The following HEPH variants were observed in gnomAD, a reference collection of about 807,000 sequenced individuals.
HEPH encodes hephaestin.
In HEPH, 69 loss-of-function variants were observed where a neutral mutation model predicts 80.8. The observed-to-expected ratio is 0.85, with a 90% confidence interval of 0.70 to 1.04. The LOEUF (loss-of-function observed/expected upper bound fraction) is 1.04, where lower values mean the gene tolerates loss of function less well. HEPH is among the 50% of genes least tolerant of loss of function. The probability of loss-of-function intolerance (pLI) is 0.00; values close to 1 mark genes in which losing one functional copy is unlikely to be tolerated. For synonymous variants in HEPH, 431 were observed against 322.8 expected (o/e 1.34, Z -3.60); for missense variants, 1,115 against 891.3 (o/e 1.25, Z -3.20).
At position 66,190,080 on chromosome X, in the gene HEPH, A is replaced by T. The variant is rs1011323508; in HGVS notation, c.1063+142A>T. 8.3e-6 allele frequency: 5 copies of T among 603,619 alleles called. No individual in the cohort carries two copies. The African/African-American group carries it at 1.2e-4, about 14-fold the overall frequency. 49.7% of individuals were successfully genotyped at this position (603,619 alleles called of 1,213,427 possible). Reference sequence around the variant, plus strand: ...ATAAAGGATAGCACACTAGATTAGAAGTCAGGGGACCCAGGTTTTTTCCTG... The same window carrying T: ...ATAAAGGATAGCACACTAGATTAGATGTCAGGGGACCCAGGTTTTTTCCTG... On this transcript the variant is annotated intron_variant, in intron 6 of 20. Transcript: ENST00000343002.
chrX:66,213,180 C>G (rs974286520), intron 15 of HEPH, among the ~76,000 whole-genome samples: 5 of 109,056 alleles, frequency 4.6e-5, no homozygotes, highest in Non-Finnish European at 9.5e-5. Flanking sequence ...GCTATCCCTC[C>G]CCCCTTCCCC....
chrX:66,164,504 C>G, intron 1 of HEPH, 34 bp downstream of exon 1: 1 of 747,521 alleles, frequency 1.3e-6, no homozygotes, highest in South Asian at 6.8e-5. Context: ...CAAACTCTAC[C>G]TCACCTGCCT....
chrX:66,199,401 T>C (rs926945571), intron 11 of HEPH, among the ~76,000 whole-genome samples: 2 of 109,587 alleles, frequency 1.8e-5, no homozygotes, highest in African/African-American at 6.6e-5. Flanking sequence ...CTATTTTTCT[T>C]TGTGAACATG....
chrX:66,205,393 A>G (rs1471428677), intron 13 of HEPH, among the ~76,000 whole-genome samples: 1 of 111,484 alleles, frequency 9.0e-6, no homozygotes, highest in African/African-American at 3.3e-5. Context: ...AATGGCCTCC[A>G]GGTACATCCA....
chrX:66,196,153 T>C (rs1353079574), intron 9 of HEPH, among the ~76,000 whole-genome samples: 2 of 111,221 alleles, frequency 1.8e-5, no homozygotes, highest in East Asian at 2.8e-4. Flanking sequence ...GGATATTAGA[T>C]GTTATTAGGG....
intron 4 of HEPH, among the ~76,000 whole-genome samples, chrX:66,187,158 T>A: frequency 9.0e-6 from 1 of 111,659 alleles, no homozygotes; most frequent in Admixed American, 9.5e-5. Context: ...GTTGTTGTTG[T>A]TGTTTTTATT....
intron 19 of HEPH, among the ~76,000 whole-genome samples, chrX:66,260,959 G>T (rs1406195480): frequency 1.8e-5 from 2 of 110,880 alleles, no homozygotes; most frequent in Non-Finnish European, 3.8e-5. Flanking sequence ...TAGAGAAGGG[G>T]GTCTACCTAT....
At chrX:66,246,253 C>T (rs372486075) in intron 15 of HEPH, among the ~76,000 whole-genome samples, 1 of 111,969 alleles carries the variant, frequency 8.9e-6, no homozygotes, top group East Asian at 2.8e-4. Flanking sequence ...GAAAATCTAG[C>T]AGGCATTACC....
At chrX:66,190,560 T>C (rs944130602) in intron 6 of HEPH, among the ~76,000 whole-genome samples, 1 of 112,030 alleles carries the variant, frequency 8.9e-6, no homozygotes, top group Non-Finnish European at 1.9e-5. Context: ...TATATGACTT[T>C]AGACAGGTGT....
chrX:66,202,932 TATATATAC>T (rs1294320357), intron 12 of HEPH, among the ~76,000 whole-genome samples: 3 of 102,071 alleles, frequency 2.9e-5, no homozygotes, highest in Non-Finnish European at 3.9e-5. Flanking sequence ...TATATATATA[TATATATAC>T]ACACACACAC....
At chrX:66,251,004 C>T (rs920247402) in intron 15 of HEPH, among the ~76,000 whole-genome samples, 2 of 111,899 alleles carry the variant, frequency 1.8e-5, no homozygotes, top group African/African-American at 6.5e-5. Context: ...ATACATCAGC[C>T]TCCCGAGTAG....
chrX:66,219,731 G>A (rs1249327346), intron 15 of HEPH, among the ~76,000 whole-genome samples: 2 of 111,581 alleles, frequency 1.8e-5, no homozygotes, highest in African/African-American at 3.3e-5. Flanking sequence ...AAGCCCAGGA[G>A]TTCACCTGTC....
chrX:66,213,816 A>G (rs1237027991), intron 15 of HEPH, among the ~76,000 whole-genome samples: 1 of 112,444 alleles, frequency 8.9e-6, no homozygotes, highest in African/African-American at 3.2e-5. Flanking sequence ...TTCCTGAAGC[A>G]GACCCAAGCT....
Position 66,256,324 on chromosome X carries a change from A to G in HEPH, c.2890A>G (p.Met964Val). 8.4e-7 allele frequency: 1 copy of G among 1,192,406 alleles called. No homozygotes were observed. The highest frequency in any genetic ancestry group is 1.1e-6 in the Non-Finnish European group (1 of 878,732). The part of the protein sequence containing the change: ...QDETFLESNK[M>V]HAINGKLYAN... ...TGAAACTTTCTTGGAGAGCAATAAA[A>G]TGCATGGTCAGTAGTAAAAAACCTA... Residue 964 changes from methionine (M) to valine (V), a missense_variant, in exon 17 of 21, where the codon ATG becomes GTG. Met to Val is a conservative substitution (Grantham distance 21). Transcript: ENST00000343002.
rs1383808079 is a variant in HEPH, at chrX:66,230,037, G to A, written c.2563+21791G>A. 7.9e-5 allele frequency among the ~76,000 whole-genome samples: 8 copies of A among 100,936 alleles called. No individual in the cohort carries two copies. In the South Asian group the frequency reaches 2.0e-3, roughly 25 times the overall value. 87.7% of individuals were successfully genotyped at this position (100,936 alleles called of 115,157 possible). A position where few individuals can be genotyped will look rare whatever the true frequency, so the allele number is the denominator to read the frequency against. The stretch of plus-strand genomic sequence containing the variant: ...GAGAATATGTGGTGTTTGGTTTTTT[G>A]TTCTTGCGATAGTTTGCTGAGAATG... On this transcript the variant is annotated intron_variant, in intron 15 of 20. Transcript: ENST00000343002.
intron 13 of HEPH, among the ~76,000 whole-genome samples, chrX:66,204,236 G>A (rs756882500): frequency 9.0e-6 from 1 of 111,647 alleles, no homozygotes; most frequent in Non-Finnish European, 1.9e-5. Flanking sequence ...TAATTCTTAT[G>A]GCCATAATTG....
intron 15 of HEPH, among the ~76,000 whole-genome samples, chrX:66,248,535 T>C (rs773752293): frequency 8.9e-6 from 1 of 112,195 alleles, no homozygotes; most frequent in Non-Finnish European, 1.9e-5. Flanking sequence ...AGAGAAGCCG[T>C]AAAGTGCTTC....
intron 17 of HEPH, among the ~76,000 whole-genome samples, chrX:66,257,256 C>T (rs1569413078): frequency 9.0e-6 from 1 of 111,187 alleles, no homozygotes; most frequent in African/African-American, 3.3e-5. Flanking sequence ...ACAGTTAGGT[C>T]CTGTTAATGC....
At chrX:66,232,189 A>G (rs914524221) in intron 15 of HEPH, among the ~76,000 whole-genome samples, 1 of 111,368 alleles carries the variant, frequency 9.0e-6, no homozygotes, top group Non-Finnish European at 1.9e-5. Flanking sequence ...CCAGTATTTT[A>G]CTGAGGATTT....
Sources: allele counts gnomAD v4.1 joint callset (sites outside exome capture counted in the v4.1 genomes callset), GRCh38; gene constraint gnomAD v4.1.1; transcripts MANE v1.5; gene names NCBI Gene and HGNC (gene_info 2026-07-23, HGNC 2026-07-21).